BCL2: variants seen among roughly 807,000 people sequenced by gnomAD.
BCL2 encodes apoptosis regulator Bcl-2.
A neutral mutation model predicts 14.2 loss-of-function variants in BCL2; 1 was observed. The observed-to-expected ratio is 0.07, with a 90% CI of 0.02 to 0.33. BCL2 has a LOEUF of 0.33. BCL2 is among the 10% of genes least tolerant of loss of function. BCL2 has a pLI of 0.99. For missense variants in BCL2, 247 were observed against 305.9 expected (o/e 0.81, Z 1.44); for synonymous variants, 151 against 137.2 (o/e 1.10, Z -0.70).
chr18:63,276,458 T>C (rs989335035), intron 2 of BCL2, among the ~76,000 whole-genome samples: 6 of 152,098 alleles, frequency 3.9e-5, no homozygotes, highest in South Asian at 4.1e-4. Context: ...CTGCAGTACA[T>C]GGGATGGTCT....
chr18:63,154,864 A>G (rs927434637), intron 2 of BCL2, among the ~76,000 whole-genome samples: 3 of 152,228 alleles, frequency 2.0e-5, no homozygotes, highest in African/African-American at 7.2e-5. Flanking sequence ...ATGAATGAGT[A>G]AACACATGGA....
intron 2 of BCL2, among the ~76,000 whole-genome samples, chr18:63,200,653 G>A (rs561366480): frequency 1.3e-5 from 2 of 152,268 alleles, no homozygotes; most frequent in East Asian, 3.9e-4. Flanking sequence ...TTAGAGCCAG[G>A]GTCTTGCTCT....
chr18:63,309,345 C>T (rs1482676014), intron 2 of BCL2, among the ~76,000 whole-genome samples: 1 of 152,204 alleles, frequency 6.6e-6, no homozygotes, highest in Admixed American at 6.5e-5. Context: ...GCTTACTGGG[C>T]ATTTCCACTT....
At chr18:63,255,743 C>A (rs2144215500) in intron 2 of BCL2, among the ~76,000 whole-genome samples, 1 of 152,098 alleles carries the variant, frequency 6.6e-6, no homozygotes. Context: ...GTGAAGAGGA[C>A]CTCATCGATG....
intron 2 of BCL2, among the ~76,000 whole-genome samples, chr18:63,176,248 C>A (rs1005462606): frequency 5.3e-5 from 8 of 152,200 alleles, no homozygotes; most frequent in Admixed American, 5.2e-4. Flanking sequence ...AATGATGAGA[C>A]CTAACCTAAC....
At chr18:63,187,094 C>T (rs1384677759) in intron 2 of BCL2, among the ~76,000 whole-genome samples, 1 of 152,214 alleles carries the variant, frequency 6.6e-6, no homozygotes, top group Non-Finnish European at 1.5e-5. Flanking sequence ...GTTATCGTTT[C>T]ATTCTACACA....
chr18:63,301,639 A>C lies in BCL2; in HGVS notation c.585+16443T>G, dbSNP rs185159729. Among the ~76,000 whole-genome samples, 16 of 152,344 alleles carry C rather than the reference A, an allele frequency of 1.1e-4. No homozygotes were observed. In the East Asian group the frequency reaches 2.9e-3, roughly 28 times the overall value. Reference sequence around the variant, plus strand: ...CTCCGAAGGCGCTAATGTATTTTGCAATCATAAAGATCTTTTACTCACAAA... The same window carrying C: ...CTCCGAAGGCGCTAATGTATTTTGCCATCATAAAGATCTTTTACTCACAAA... On this transcript the variant is annotated intron_variant, in intron 2 of 2. Coordinates refer to ENST00000333681, the MANE Select transcript of BCL2 (RefSeq NM_000633.3).
intron 2 of BCL2, among the ~76,000 whole-genome samples, chr18:63,138,734 G>A (rs1181268543): frequency 1.3e-5 from 2 of 152,224 alleles, no homozygotes; most frequent in Non-Finnish European, 1.5e-5. Context: ...TCATTTGGAT[G>A]TAACAAGAAA....
At chr18:63,295,189 T>A (rs73466678) in intron 2 of BCL2, among the ~76,000 whole-genome samples, 4,430 of 150,670 alleles carry the variant, frequency 0.029, 220 homozygotes, top group African/African-American at 0.1. Flanking sequence ...TAGTAATAAT[T>A]ATTATTATTA....
intron 2 of BCL2, among the ~76,000 whole-genome samples, chr18:63,221,045 T>C (rs1381937294): frequency 1.3e-5 from 2 of 152,218 alleles, no homozygotes; most frequent in African/African-American, 4.8e-5. Context: ...CTTGATAACC[T>C]GGCAAGTGCT....
chr18:63,163,166 G>C (rs934519036), intron 2 of BCL2, among the ~76,000 whole-genome samples: 1 of 152,208 alleles, frequency 6.6e-6, no homozygotes, highest in Non-Finnish European at 1.5e-5. Context: ...ACCACTGTCT[G>C]TATCTTTACC....
chr18:63,293,004 T>A (rs897519199), intron 2 of BCL2, among the ~76,000 whole-genome samples: 6 of 152,122 alleles, frequency 3.9e-5, no homozygotes, highest in African/African-American at 1.4e-4. Context: ...GGAGGGTGTG[T>A]CCCCACAGGG....
At chr18:63,147,388 G>A (rs1303349645) in intron 2 of BCL2, among the ~76,000 whole-genome samples, 1 of 152,242 alleles carries the variant, frequency 6.6e-6, no homozygotes, top group Non-Finnish European at 1.5e-5. Flanking sequence ...GGGAGAAACA[G>A]GTGCCTGCAG....
At chr18:63,193,584 G>GTA (rs1323375179) in intron 2 of BCL2, among the ~76,000 whole-genome samples, 17 of 113,128 alleles carry the variant, frequency 1.5e-4, no homozygotes, top group African/African-American at 6.6e-4. Context: ...TAGTATGTAT[G>GTA]TGTGTGTGTG....
chr18:63,217,550 A>G (rs1031095853), intron 2 of BCL2, among the ~76,000 whole-genome samples: 1 of 152,174 alleles, frequency 6.6e-6, no homozygotes, highest in Non-Finnish European at 1.5e-5. Context: ...GTTCACCCAC[A>G]TTTCCCAAAA....
chr18:63,132,606 T>C (rs1296976430), intron 2 of BCL2, among the ~76,000 whole-genome samples: 1 of 152,136 alleles, frequency 6.6e-6, no homozygotes, highest in Non-Finnish European at 1.5e-5. Flanking sequence ...TTTAACCCCC[T>C]GGAGGTTGGA....
chr18:63,312,183 G>A (rs1440072657), intron 2 of BCL2, among the ~76,000 whole-genome samples: 2 of 152,092 alleles, frequency 1.3e-5, no homozygotes, highest in Non-Finnish European at 2.9e-5. Context: ...AGCGCATTAC[G>A]GTTTTCTTCA....
chr18:63,271,427 C>T (rs1478204535), intron 2 of BCL2, among the ~76,000 whole-genome samples: 2 of 152,070 alleles, frequency 1.3e-5, no homozygotes, highest in Admixed American at 1.3e-4. Flanking sequence ...GGCAAACAAG[C>T]AAAAGAGGTA....
chr18:63,199,014 CAG>C (rs1248963837), intron 2 of BCL2, among the ~76,000 whole-genome samples: 14 of 149,022 alleles, frequency 9.4e-5, no homozygotes, highest in Admixed American at 2.0e-4. Flanking sequence ...CAGACACACA[CAG>C]ACACACACTG....
Sources: gnomAD v4.1 joint callset for allele counts (sites outside exome capture counted in the v4.1 genomes callset) on GRCh38, gnomAD v4.1.1 for gene constraint, MANE v1.5 for transcripts, NCBI Gene and HGNC (gene_info 2026-07-23, HGNC 2026-07-21) for gene names.